HEATR4: variants seen among roughly 807,000 people sequenced by gnomAD.
HEATR4 encodes HEAT repeat containing 4, also known as HEAT repeat-containing protein 4.
A neutral mutation model predicts 108.8 loss-of-function variants in HEATR4; 95 were observed. The ratio of observed to expected loss-of-function variants is 0.87; its 90% CI spans 0.74 to 1.04. The LOEUF (loss-of-function observed/expected upper bound fraction) is 1.04, where lower values mean the gene tolerates loss of function less well. HEATR4 is among the 50% of genes least tolerant of loss of function. The pLI is 0.00. For synonymous variants in HEATR4, 443 were observed against 459.4 expected (o/e 0.96, Z 0.46); for missense variants, 1,152 against 1,253.8 (o/e 0.92, Z 1.23).
At chr14:73,619,323 C>G in the HEATR4 span, 13 of 1,614,136 alleles carry the variant, frequency 8.1e-6, no homozygotes, top group East Asian at 2.9e-4. Context: ...GCATCACAGC[C>G]ACTGTACTTA....
chr14:73,492,554 G>T lies in HEATR4; in HGVS notation c.2844+512C>A, dbSNP rs1733855746. The T allele has an allele frequency of 4.3e-6, 7 of 1,613,818 alleles. No homozygotes were observed. The highest frequency in any genetic ancestry group is 5.1e-6 in the Non-Finnish European group (6 of 1,179,834). ...CTTCATTCACGATTCTCTGCCCCCT[G>T]TTTTGACTGATAGGGAGAGGGCACT... On this transcript the variant is annotated intron_variant, in intron 17 of 17. Transcript: ENST00000553558. The surrounding 1 kb of genome is among the most constrained non-coding windows in gnomAD (Gnocchi z 4.9).
intron 17 of HEATR4, among the ~76,000 whole-genome samples, chr14:73,479,440 T>TTTCTTTC (rs564966544): frequency 0.017 from 1,186 of 68,390 alleles, 7 homozygotes; most frequent in South Asian, 0.13. Context: ...TCTTTCTTTC[T>TTTCTTTC]TTTTTTTTTT....
chr14:73,585,048 C>T, the HEATR4 span, among the ~76,000 whole-genome samples: 1 of 151,926 alleles, frequency 6.6e-6, no homozygotes, highest in South Asian at 2.1e-4. Flanking sequence ...GTCTGAGGCC[C>T]CTGACCTGGG....
At chr14:73,619,458 T>C in the HEATR4 span, 3 of 1,614,230 alleles carry the variant, frequency 1.9e-6, no homozygotes, top group Non-Finnish European at 2.5e-6. Flanking sequence ...TTATGGACAC[T>C]TGGAGCAATC....
Position 73,496,615 on chromosome 14 carries a change from C to G in HEATR4, c.2611G>C (p.Glu871Gln), listed in dbSNP as rs143275602. ...GNEGNQEMLQ[E>Q]IKNRIKTLSQ... ...CACTTATTTACCCTGTTCTTGATCT[C>G]CTGAAGCATTTCTTGGTTTCCTTCA... is the stretch of plus-strand genomic sequence containing the variant. The change falls in exon 15 of 18, where the codon GAG becomes CAG. Residue 871 changes from glutamate to glutamine, a missense_variant. Transcript: ENST00000553558. 1.0e-4 allele frequency: 163 copies of G among 1,601,246 alleles called. No individual in the cohort carries two copies. The highest frequency in any genetic ancestry group is 1.3e-4 in the Non-Finnish European group (152 of 1,168,458).
At chr14:73,517,393 TCTGG>T (rs1203284633) in intron 5 of HEATR4, 1 of 152,180 alleles carries the variant, frequency 6.6e-6, no homozygotes, top group Non-Finnish European at 1.5e-5. Flanking sequence ...AAAAGAATCC[TCTGG>T]CTGGGAGAGT....
chr14:73,570,973 C>A, the HEATR4 span, among the ~76,000 whole-genome samples: 3 of 118,994 alleles, frequency 2.5e-5, no homozygotes, highest in East Asian at 2.5e-4. Flanking sequence ...GACTAGGAAG[C>A]CACTTTTTTT....
the HEATR4 span, chr14:73,580,701 A>C: frequency 2.0e-5 from 3 of 152,156 alleles, no homozygotes; most frequent in African/African-American, 7.2e-5. Context: ...ATCCAGATCC[A>C]GTCCCTGAAG....
At chr14:73,619,546 G>C in the HEATR4 span, 1 of 1,614,200 alleles carries the variant, frequency 6.2e-7, no homozygotes, top group Non-Finnish European at 8.5e-7. Context: ...TGTTGGCATG[G>C]ATGATCAAAG....
chr14:73,563,531 G>A (rs1454104717), upstream of HEATR4, among the ~76,000 whole-genome samples: 1 of 152,046 alleles, frequency 6.6e-6, no homozygotes, highest in Non-Finnish European at 1.5e-5. Flanking sequence ...GGAGGTGGAG[G>A]TTGCAGTGAG....
At chr14:73,594,706 T>TTATTTATTTATTTATC in the HEATR4 span, among the ~76,000 whole-genome samples, 1 of 150,832 alleles carries the variant, frequency 6.6e-6, no homozygotes, top group African/African-American at 2.4e-5. Flanking sequence ...ATTTATTTAT[T>TTATTTATTTATTTATC]TATTTATCTT....
chr14:73,592,302 G>A, the HEATR4 span: 3 of 1,611,554 alleles, frequency 1.9e-6, no homozygotes, highest in East Asian at 4.5e-5. Context: ...CCACGACCCC[G>A]AGCCTGGACG....
chr14:73,602,468 G>A, the HEATR4 span, among the ~76,000 whole-genome samples: 3 of 152,176 alleles, frequency 2.0e-5, no homozygotes. Context: ...TGTAGACCAA[G>A]CAGCTGGTCC....
chr14:73,595,465 G>A, the HEATR4 span: 1 of 1,614,176 alleles, frequency 6.2e-7, no homozygotes, highest in East Asian at 2.2e-5. Flanking sequence ...CTGGGACTGG[G>A]CATTACATCG....
chr14:73,579,790 A>T, the HEATR4 span, among the ~76,000 whole-genome samples: 2 of 151,882 alleles, frequency 1.3e-5, no homozygotes, highest in Non-Finnish European at 2.9e-5. Flanking sequence ...TTTTAAAAGC[A>T]TATTTAAAGT....
the HEATR4 span, among the ~76,000 whole-genome samples, chr14:73,570,486 G>A: frequency 1.2e-3 from 184 of 151,974 alleles, 1 homozygote; most frequent in African/African-American, 4.3e-3. Context: ...GGAGAATGGT[G>A]TGAACCCGGG....
the HEATR4 span, among the ~76,000 whole-genome samples, chr14:73,588,343 C>A: frequency 2.0e-5 from 3 of 152,090 alleles, no homozygotes; most frequent in Non-Finnish European, 4.4e-5. Context: ...CCCTAGATTT[C>A]AAAAAGCCAT....
At chr14:73,621,960 A>G in the HEATR4 span, among the ~76,000 whole-genome samples, 9 of 151,790 alleles carry the variant, frequency 5.9e-5, no homozygotes, top group East Asian at 9.7e-4. Flanking sequence ...ATGAGGTCTC[A>G]TTACGTTGCC....
the HEATR4 span, chr14:73,611,489 T>A: frequency 6.6e-6 from 1 of 152,202 alleles, no homozygotes; most frequent in Non-Finnish European, 1.5e-5. Context: ...AGATAGTACC[T>A]TTATAAAACT....
Sources: gnomAD v4.1 joint callset for allele counts (sites outside exome capture counted in the v4.1 genomes callset) on GRCh38, gnomAD v4.1.1 for gene constraint, Gnocchi (gnomAD v3.1) non-coding constraint, MANE v1.5 for transcripts, NCBI Gene and HGNC (gene_info 2026-07-23, HGNC 2026-07-21) for gene names.